GALNT17: variants seen among roughly 807,000 people sequenced by gnomAD.
The protein encoded by GALNT17 is polypeptide N-acetylgalactosaminyltransferase 17, also known as UDP-GalNAc:polypeptide N-acetylgalactosaminyltransferase-like 3.
In GALNT17, 29 loss-of-function variants were observed where a neutral mutation model predicts 63.7. That is an observed-to-expected ratio of 0.46 (90% CI 0.34 to 0.62). The LOEUF (loss-of-function observed/expected upper bound fraction) is 0.62, where lower values mean the gene tolerates loss of function less well. Among genes scored for constraint, GALNT17 ranks in the 20% least tolerant of loss-of-function variants. The pLI is 0.01. For synonymous variants in GALNT17, 305 were observed against 318.3 expected (o/e 0.96, Z 0.45); for missense variants, 603 against 799.6 (o/e 0.75, Z 2.97).
intron 5 of GALNT17, among the ~76,000 whole-genome samples, chr7:71,449,612 G>A (rs1787222673): frequency 6.6e-6 from 1 of 152,122 alleles, no homozygotes. Flanking sequence ...ATAGACATCA[G>A]ATTAGGGACA....
intron 5 of GALNT17, among the ~76,000 whole-genome samples, chr7:71,492,544 C>A (rs909655177): frequency 6.6e-6 from 1 of 152,166 alleles, no homozygotes; most frequent in Non-Finnish European, 1.5e-5. Flanking sequence ...CTCATTCAAC[C>A]ATAATCTAAC....
chr7:71,434,852 T>C (rs1786929826), intron 5 of GALNT17, among the ~76,000 whole-genome samples: 1 of 152,166 alleles, frequency 6.6e-6, no homozygotes, highest in Non-Finnish European at 1.5e-5. Context: ...AATAGAATTC[T>C]ACTACAGAAG....
chr7:71,450,656 C>T (rs78168836), intron 5 of GALNT17, among the ~76,000 whole-genome samples: 1 of 152,076 alleles, frequency 6.6e-6, no homozygotes, highest in Non-Finnish European at 1.5e-5. Flanking sequence ...AAAGAAACGC[C>T]ATTCTCATTT....
chr7:71,620,934 G>A (rs1790280335), intron 6 of GALNT17, among the ~76,000 whole-genome samples: 1 of 152,104 alleles, frequency 6.6e-6, no homozygotes, highest in African/African-American at 2.4e-5. Context: ...TGACACTGAA[G>A]ACCAAATTAC....
intron 6 of GALNT17, among the ~76,000 whole-genome samples, chr7:71,605,160 G>A (rs1422112844): frequency 1.3e-5 from 2 of 152,142 alleles, no homozygotes; most frequent in East Asian, 1.9e-4. Flanking sequence ...AACTTGGCTC[G>A]CTCTTGAATA....
intron 1 of GALNT17, among the ~76,000 whole-genome samples, chr7:71,241,438 C>T (rs149969896): frequency 6.3e-4 from 96 of 152,230 alleles, no homozygotes; most frequent in Admixed American, 9.2e-4. Flanking sequence ...GCATTGTGGT[C>T]GCCTGGAGGT....
At chr7:71,473,755 C>A (rs1260950372) in intron 5 of GALNT17, among the ~76,000 whole-genome samples, 1 of 152,062 alleles carries the variant, frequency 6.6e-6, no homozygotes, top group East Asian at 1.9e-4. Flanking sequence ...ACACTTTGGA[C>A]AAGTCTCCTA....
chr7:71,590,331 C>T (rs1190355415), intron 6 of GALNT17, among the ~76,000 whole-genome samples: 1 of 152,184 alleles, frequency 6.6e-6, no homozygotes, highest in Admixed American at 6.5e-5. Context: ...TGGAATTTCA[C>T]TTGCCTGCTC....
At chr7:71,427,835 C>T (rs191537825) in intron 5 of GALNT17, among the ~76,000 whole-genome samples, 103 of 152,186 alleles carry the variant, frequency 6.8e-4, no homozygotes, top group Admixed American at 1.6e-3. Flanking sequence ...CAGGGGCATT[C>T]GATTCTCATA....
intron 6 of GALNT17, among the ~76,000 whole-genome samples, chr7:71,649,266 T>C (rs1250150196): frequency 6.6e-6 from 1 of 152,128 alleles, no homozygotes; most frequent in Non-Finnish European, 1.5e-5. Context: ...GATTCTCACA[T>C]CTCATGGGCC....
rs1410170818 is a variant in GALNT17, at chr7:71,711,048, CT to C, written c.1668+121del. On this transcript the variant is annotated intron_variant, in intron 10 of 10. Coordinates refer to ENST00000333538, the MANE Select transcript of GALNT17 (RefSeq NM_022479.3). ...AGAGCGACCCCGAACCCAGGTCTCC[CT>C]GCCCCGGGCTGGGCTTGTGGACCCA... The C allele has an allele frequency of 1.1e-5, 15 of 1,342,394 alleles. No homozygotes were observed. In the African/African-American group the frequency reaches 1.9e-4, roughly 17 times the overall value. The allele number at this position is 1,342,394 out of a possible 1,614,324, so 83.2% of individuals were successfully genotyped here.
chr7:71,250,494 C>T (rs888745765), intron 1 of GALNT17, among the ~76,000 whole-genome samples: 12 of 152,004 alleles, frequency 7.9e-5, no homozygotes, highest in African/African-American at 2.9e-4. Context: ...GTGCCCTTTG[C>T]TGTAGTAACT....
chr7:71,249,774 A>G (rs1391350651), intron 1 of GALNT17, among the ~76,000 whole-genome samples: 4 of 152,226 alleles, frequency 2.6e-5, no homozygotes, highest in African/African-American at 9.7e-5. Flanking sequence ...GAAGAAATTC[A>G]TAGTTGGTGG....
chr7:71,190,625 G>T (rs1218056173), intron 1 of GALNT17, among the ~76,000 whole-genome samples: 1 of 152,044 alleles, frequency 6.6e-6, no homozygotes, highest in Non-Finnish European at 1.5e-5. Context: ...ATTTGAACTT[G>T]AATTTTAAAA....
chr7:71,307,440 G>T (rs1791325664), intron 1 of GALNT17, among the ~76,000 whole-genome samples: 1 of 151,910 alleles, frequency 6.6e-6, no homozygotes, highest in Non-Finnish European at 1.5e-5. Context: ...GAGGCAATAA[G>T]ACCCACTTTC....
At chr7:71,396,527 A>G (rs1793142884) in intron 3 of GALNT17, among the ~76,000 whole-genome samples, 2 of 152,120 alleles carry the variant, frequency 1.3e-5, no homozygotes, top group African/African-American at 2.4e-5. Context: ...TTTTCTTTAT[A>G]GTAAATTTTA....
intron 5 of GALNT17, among the ~76,000 whole-genome samples, chr7:71,447,762 C>A (rs1431664240): frequency 3.9e-5 from 6 of 152,094 alleles, no homozygotes; most frequent in Non-Finnish European, 8.8e-5. Context: ...CTGTTTGTTT[C>A]CTTAATTTGT....
intron 1 of GALNT17, among the ~76,000 whole-genome samples, chr7:71,175,505 A>T (rs1419618674): frequency 6.6e-6 from 1 of 152,132 alleles, no homozygotes; most frequent in African/African-American, 2.4e-5. Flanking sequence ...CAGGGGAGTG[A>T]CTTGTGTCTT....
chr7:71,660,901 A>G (rs544125768), intron 6 of GALNT17, among the ~76,000 whole-genome samples: 2 of 152,310 alleles, frequency 1.3e-5, no homozygotes, highest in African/African-American at 4.8e-5. Flanking sequence ...AACACAGAGC[A>G]GAGCCTGAGG....
Sources: gnomAD v4.1 joint callset for allele counts (sites outside exome capture counted in the v4.1 genomes callset) on GRCh38, gnomAD v4.1.1 for gene constraint, MANE v1.5 for transcripts, NCBI Gene and HGNC (gene_info 2026-07-23, HGNC 2026-07-21) for gene names.